The following PHACTR1 variants were observed in gnomAD, a reference collection of about 807,000 sequenced individuals.
The protein encoded by PHACTR1 is RPEL repeat containing 1.
PHACTR1 carries 16 observed loss-of-function variants against 69.2 expected under a neutral mutation model. The ratio of observed to expected loss-of-function variants is 0.23; its 90% CI spans 0.16 to 0.35. The LOEUF is 0.35. Among genes scored for constraint, PHACTR1 ranks in the 10% least tolerant of loss-of-function variants. The pLI is 1.00. For missense variants in PHACTR1, 510 were observed against 734.7 expected (o/e 0.69, Z 3.54); for synonymous variants, 312 against 284.5 (o/e 1.10, Z -0.97).
At position 12,804,360 on chromosome 6, in the gene PHACTR1, T is replaced by G. The variant is rs186729816; in HGVS notation, c.250+54570T>G. On this transcript the variant is annotated intron_variant, in intron 4 of 14. Coordinates refer to ENST00000332995, the MANE Select transcript of PHACTR1 (RefSeq NM_030948.6). The stretch of plus-strand genomic sequence containing the variant: ...TAAATTTTTCTGATTTCTTCTCATA[T>G]GTTCTTTCTTACTTGGAATGGCCCA... Among the ~76,000 whole-genome samples, 28 of 152,316 alleles carry G rather than the reference T, an allele frequency of 1.8e-4. No individual in the cohort carries two copies. In the East Asian group the frequency reaches 5.4e-3, roughly 29 times the overall value.
chr6:12,790,051 TGAA>T (rs1367748586), intron 4 of PHACTR1, among the ~76,000 whole-genome samples: 13 of 152,280 alleles, frequency 8.5e-5, no homozygotes, highest in Admixed American at 3.9e-4. Flanking sequence ...TGATAACCTC[TGAA>T]TAAGTCCCTG....
At chr6:12,977,297 T>A (rs972131277) in intron 4 of PHACTR1, among the ~76,000 whole-genome samples, 13 of 152,102 alleles carry the variant, frequency 8.5e-5, no homozygotes, top group African/African-American at 3.1e-4. Flanking sequence ...TGTTGGAATG[T>A]ACCTCCCTGC....
rs375123444 is a variant in PHACTR1 at position 13,205,901 on chromosome 6, G to T, written c.751G>T (p.Val251Leu). ...AAAGAAAGTCATGATCTGTATGCCC[G>T]TGGGGGGGCCAGACCTCTCACTGGT... ...PPKKVMICMPVGGPDLSLVSY... is the reference protein window; with the variant it reads ...PPKKVMICMPLGGPDLSLVSY... The change falls in exon 8 of 15, where the codon GTG (valine) becomes TTG (leucine). Residue 251 changes from valine (V) to leucine (L), a missense_variant. Physicochemically the swap from Val to Leu is conservative, Grantham distance 32. This residue lies in a region of PHACTR1 where 419 missense variants were observed against 530.9 expected (regional missense o/e 0.79). Transcript: ENST00000332995. 3.3e-5 allele frequency: 53 copies of T among 1,613,516 alleles called. No individual in the cohort carries two copies. Among genetic ancestry groups the T allele is most frequent in the Admixed American group, 2.2e-4 (13 of 60,000 alleles).
chr6:13,185,786 C>T (rs149598865), intron 7 of PHACTR1, among the ~76,000 whole-genome samples: 2 of 152,144 alleles, frequency 1.3e-5, no homozygotes, highest in African/African-American at 4.8e-5. Flanking sequence ...AAAAAGCACT[C>T]GGTATTTTGA....
intron 5 of PHACTR1, among the ~76,000 whole-genome samples, chr6:13,088,832 T>C (rs1812738910): frequency 6.6e-6 from 1 of 152,196 alleles, no homozygotes; most frequent in African/African-American, 2.4e-5. Flanking sequence ...TACAATGCAA[T>C]GCACATGGAA....
rs551766595 is a variant in PHACTR1, at chr6:12,858,233, G to T, written c.250+108443G>T. On this transcript the variant is annotated intron_variant, in intron 4 of 14. Transcript: ENST00000332995. ...CAGCAGTCTGCATCTGACCTTTATT[G>T]TTAGAGGCACAGAAATTCTTTCTGG... Among the ~76,000 whole-genome samples the T allele has an allele frequency of 5.3e-5, 8 of 152,288 alleles. No individual in the cohort carries two copies. In the South Asian group the frequency reaches 1.0e-3, roughly 20 times the overall value.
At chr6:12,818,262 G>A (rs1008582754) in intron 4 of PHACTR1, among the ~76,000 whole-genome samples, 4 of 152,140 alleles carry the variant, frequency 2.6e-5, no homozygotes, top group Non-Finnish European at 5.9e-5. Flanking sequence ...TTCCAGTCTA[G>A]GACAGTCCTT....
chr6:12,876,425 G>A (rs1261426473), intron 4 of PHACTR1, among the ~76,000 whole-genome samples: 1 of 152,188 alleles, frequency 6.6e-6, no homozygotes, highest in Non-Finnish European at 1.5e-5. Context: ...AAGCAGTTAA[G>A]AGACTTATCC....
intron 4 of PHACTR1, among the ~76,000 whole-genome samples, chr6:13,013,951 AG>A (rs1251103496): frequency 1.3e-5 from 2 of 151,168 alleles, no homozygotes; most frequent in Non-Finnish European, 3.0e-5. Context: ...CGCTGCAGGG[AG>A]GGCGCGGTGC....
intron 4 of PHACTR1, among the ~76,000 whole-genome samples, chr6:12,924,036 A>G (rs896548577): frequency 6.6e-6 from 1 of 152,248 alleles, no homozygotes; most frequent in East Asian, 1.9e-4. Context: ...TTACTAATTC[A>G]ATCTTGAAAG....
At chr6:12,927,471 G>T (rs187652414) in intron 4 of PHACTR1, among the ~76,000 whole-genome samples, 4 of 152,306 alleles carry the variant, frequency 2.6e-5, no homozygotes, top group Admixed American at 2.6e-4. Flanking sequence ...AACTCTAAGT[G>T]CTTTGCATGG....
intron 6 of PHACTR1, among the ~76,000 whole-genome samples, chr6:13,167,022 C>T (rs1357986907): frequency 6.6e-6 from 1 of 152,184 alleles, no homozygotes; most frequent in Non-Finnish European, 1.5e-5. Flanking sequence ...CACGAAGTCA[C>T]CTGGCTAGCT....
chr6:13,071,566 T>A (rs1809526403), intron 5 of PHACTR1, among the ~76,000 whole-genome samples: 2 of 152,178 alleles, frequency 1.3e-5, no homozygotes, highest in South Asian at 4.1e-4. Context: ...GGGAGAGGTC[T>A]GTGTGGAGTA....
At chr6:13,078,962 C>G (rs1168449258) in intron 5 of PHACTR1, among the ~76,000 whole-genome samples, 1 of 152,166 alleles carries the variant, frequency 6.6e-6, no homozygotes, top group Non-Finnish European at 1.5e-5. Context: ...CTAGCTTTGT[C>G]AATAAAATAG....
intron 7 of PHACTR1, among the ~76,000 whole-genome samples, chr6:13,194,791 A>T (rs966972138): frequency 3.3e-5 from 5 of 151,822 alleles, no homozygotes; most frequent in Non-Finnish European, 5.9e-5. Context: ...GTCTAGTAAA[A>T]TTTTTTTTTA....
chr6:12,935,911 G>T (rs1297210944), intron 4 of PHACTR1, among the ~76,000 whole-genome samples: 6 of 151,954 alleles, frequency 3.9e-5, no homozygotes, highest in Non-Finnish European at 8.8e-5. Flanking sequence ...ATTGAACCGG[G>T]CAGTCATCTC....
At chr6:13,014,780 G>A (rs1799921422) in intron 4 of PHACTR1, among the ~76,000 whole-genome samples, 1 of 152,228 alleles carries the variant, frequency 6.6e-6, no homozygotes, top group Admixed American at 6.5e-5. Flanking sequence ...GGGCGTGTGC[G>A]AGCCAGAGCT....
At chr6:12,927,945 A>G (rs1788445984) in intron 4 of PHACTR1, among the ~76,000 whole-genome samples, 1 of 152,190 alleles carries the variant, frequency 6.6e-6, no homozygotes, top group Non-Finnish European at 1.5e-5. Flanking sequence ...CCGATTGCTG[A>G]CCGTGGGTGT....
intron 10 of PHACTR1, among the ~76,000 whole-genome samples, chr6:13,237,905 A>C (rs1349308740): frequency 6.6e-6 from 1 of 152,250 alleles, no homozygotes; most frequent in Non-Finnish European, 1.5e-5. Flanking sequence ...AGGTAGAATA[A>C]AAATACAGTA....
Sources: allele counts gnomAD v4.1 joint callset (sites outside exome capture counted in the v4.1 genomes callset), GRCh38; gene constraint gnomAD v4.1.1; regional missense constraint gnomAD v4.1.1; transcripts MANE v1.5; gene names NCBI Gene and HGNC (gene_info 2026-07-23, HGNC 2026-07-21).